Variants in STAG1 observed in about 807,000 individuals in gnomAD.
The protein encoded by STAG1 is cohesin subunit SA-1.
STAG1 carries 26 observed loss-of-function variants against 170.9 expected under a neutral mutation model. The ratio of observed to expected loss-of-function variants is 0.15; its 90% confidence interval spans 0.11 to 0.21. STAG1 has a LOEUF of 0.21. Ranked by LOEUF, STAG1 falls within the 10% of genes least tolerant of loss-of-function variation. The probability of loss-of-function intolerance (pLI) is 1.00; values close to 1 mark genes in which losing one functional copy is unlikely to be tolerated. For synonymous variants in STAG1, 514 were observed against 497.7 expected (o/e 1.03, Z -0.44); for missense variants, 964 against 1,509.5 (o/e 0.64, Z 5.99).
At chr3:136,677,537 G>T (rs1228069679) in intron 1 of STAG1, among the ~76,000 whole-genome samples, 1 of 152,158 alleles carries the variant, frequency 6.6e-6, no homozygotes, top group African/African-American at 2.4e-5. Flanking sequence ...AATACCCAAT[G>T]TGAAATTATT....
intron 1 of STAG1, among the ~76,000 whole-genome samples, chr3:136,660,915 G>A (rs186673504): frequency 1.3e-5 from 2 of 152,102 alleles, no homozygotes; most frequent in African/African-American, 2.4e-5. Flanking sequence ...GCTGAAGTAA[G>A]CCATGATTGT....
At chr3:136,572,302 T>C (rs535650239) in intron 4 of STAG1, among the ~76,000 whole-genome samples, 2 of 151,476 alleles carry the variant, frequency 1.3e-5, no homozygotes, top group Non-Finnish European at 2.9e-5. Context: ...AATAGTAAAA[T>C]AGTAAACAAG....
chr3:136,481,738 A>C (rs2089910463), intron 9 of STAG1, among the ~76,000 whole-genome samples: 1 of 104,414 alleles, frequency 9.6e-6, no homozygotes, highest in African/African-American at 3.6e-5. Context: ...TAAACTATTG[A>C]TTATTGCCTC....
chr3:136,572,068 A>G (rs1937281771), intron 4 of STAG1, among the ~76,000 whole-genome samples: 1 of 151,904 alleles, frequency 6.6e-6, no homozygotes, highest in Admixed American at 6.6e-5. Flanking sequence ...AACAAAAAAG[A>G]GCCAGGCATG....
chr3:136,645,479 C>G (rs1940973275), intron 1 of STAG1, among the ~76,000 whole-genome samples: 1 of 152,220 alleles, frequency 6.6e-6, no homozygotes, highest in Non-Finnish European at 1.5e-5. Flanking sequence ...CATCACTCTT[C>G]CTCTTCTTCC....
At chr3:136,746,950 G>C (rs921579102) in intron 1 of STAG1, among the ~76,000 whole-genome samples, 3 of 152,038 alleles carry the variant, frequency 2.0e-5, no homozygotes, top group African/African-American at 4.8e-5. Flanking sequence ...TACAAAATTA[G>C]TTGGGTGTGG....
In STAG1 at chr3:136,722,140, C is replaced by T. The variant is rs182190572; in HGVS notation, c.-84+30055G>A. Among the ~76,000 whole-genome samples, 4 of 151,938 alleles carry T rather than the reference C, an allele frequency of 2.6e-5. 1 individual carries two copies. Among genetic ancestry groups the T allele is most frequent in the Admixed American group, 2.0e-4 (3 of 15,236 alleles). On this transcript the variant is annotated intron_variant, in intron 1 of 33. Transcript: ENST00000383202. The stretch of plus-strand genomic sequence containing the variant: ...TAGGAGGCTGAGATGGGAGGATCAC[C>T]TGAGCCCAGGAAGTTGAGGCTGCAG...
At chr3:136,714,559 T>G (rs907952176) in intron 1 of STAG1, among the ~76,000 whole-genome samples, 2 of 151,386 alleles carry the variant, frequency 1.3e-5, no homozygotes, top group Non-Finnish European at 2.9e-5. Context: ...AAACCCCGTC[T>G]CTACTAAAAA....
rs536354511 is a variant in STAG1 at position 136,391,578 on chromosome 3, T to C, written c.2277+7171A>G. On this transcript the variant is annotated intron_variant, in intron 22 of 33. Transcript: ENST00000383202. ...TTTTAGTAGAGACAGGGTTTCACCATGTTGGCCAGGATGGTCTTGATCTCT... is the reference window on the plus strand; with the variant it reads ...TTTTAGTAGAGACAGGGTTTCACCACGTTGGCCAGGATGGTCTTGATCTCT... Among the ~76,000 whole-genome samples, 284 of 152,236 alleles carry C rather than the reference T, an allele frequency of 1.9e-3. 1 individual carries two copies. The highest frequency in any genetic ancestry group is 3.2e-3 in the Non-Finnish European group (218 of 68,008).
chr3:136,711,699 C>G (rs1024614330), intron 1 of STAG1, among the ~76,000 whole-genome samples: 15 of 152,040 alleles, frequency 9.9e-5, no homozygotes, highest in Admixed American at 7.2e-4. Flanking sequence ...TAGCATGCAT[C>G]TATGGACATG....
chr3:136,637,212 T>A (rs1263476281), intron 1 of STAG1, among the ~76,000 whole-genome samples: 1 of 152,218 alleles, frequency 6.6e-6, no homozygotes, highest in Admixed American at 6.5e-5. Context: ...CAGTAAAATT[T>A]AGCCTGTGAG....
At chr3:136,587,770 T>A (rs1028594431) in intron 4 of STAG1, among the ~76,000 whole-genome samples, 23 of 151,934 alleles carry the variant, frequency 1.5e-4, no homozygotes, top group African/African-American at 5.6e-4. Flanking sequence ...GCTTGGCCAA[T>A]GTGGTGAAAC....
At chr3:136,497,058 C>A (rs1028528575) in intron 9 of STAG1, among the ~76,000 whole-genome samples, 3 of 151,704 alleles carry the variant, frequency 2.0e-5, no homozygotes, top group African/African-American at 7.3e-5. Flanking sequence ...TACTCAGGAA[C>A]AACAGATAAC....
chr3:136,749,942 CTAAA>C (rs945938032), intron 1 of STAG1, among the ~76,000 whole-genome samples: 9 of 151,042 alleles, frequency 6.0e-5, no homozygotes, highest in African/African-American at 1.5e-4. Context: ...ATATACCCCC[CTAAA>C]TAAAGATATA....
chr3:136,716,041 T>C (rs2107924387), intron 1 of STAG1, among the ~76,000 whole-genome samples: 1 of 152,236 alleles, frequency 6.6e-6, no homozygotes, highest in East Asian at 1.9e-4. Flanking sequence ...GAGATTGCAA[T>C]GAGCCACGAT....
intron 22 of STAG1, among the ~76,000 whole-genome samples, chr3:136,378,805 A>G (rs185895463): frequency 2.6e-5 from 4 of 152,356 alleles, no homozygotes; most frequent in South Asian, 2.1e-4. Context: ...ACTATCTGAT[A>G]TAAGAGCTCA....
intron 1 of STAG1, among the ~76,000 whole-genome samples, chr3:136,732,237 T>TAAAAA (rs71134406): frequency 1.9e-4 from 16 of 85,740 alleles, no homozygotes; most frequent in African/African-American, 6.7e-4. Flanking sequence ...TATCCACAAC[T>TAAAAA]AAAAAAAAAA....
At chr3:136,749,495 C>T (rs1420938097) in intron 1 of STAG1, among the ~76,000 whole-genome samples, 1 of 152,156 alleles carries the variant, frequency 6.6e-6, no homozygotes, top group African/African-American at 2.4e-5. Context: ...CAACTGTAAT[C>T]CCAGCATTTT....
At chr3:136,681,767 AAGGG>A (rs1942344063) in intron 1 of STAG1, among the ~76,000 whole-genome samples, 1 of 152,214 alleles carries the variant, frequency 6.6e-6, no homozygotes, top group Admixed American at 6.5e-5. Flanking sequence ...CATTAACAGA[AAGGG>A]AGGGAGTCAC....
Sources: gnomAD v4.1 joint callset for allele counts (sites outside exome capture counted in the v4.1 genomes callset) on GRCh38, gnomAD v4.1.1 for gene constraint, MANE v1.5 for transcripts, NCBI Gene and HGNC (gene_info 2026-07-23, HGNC 2026-07-21) for gene names.